Variants in DNAJC2 observed in about 807,000 individuals in gnomAD.
DNAJC2 encodes the protein DnaJ heat shock protein family (Hsp40) member C2.
DNAJC2 carries 32 observed loss-of-function variants against 94.0 expected under a neutral mutation model. The ratio of observed to expected loss-of-function variants is 0.34; its 90% CI spans 0.26 to 0.46. The LOEUF is 0.46. Ranked by LOEUF, DNAJC2 falls within the 20% of genes least tolerant of loss-of-function variation. The pLI is 1.00. For synonymous variants in DNAJC2, 210 were observed against 229.7 expected, an observed-to-expected ratio of 0.91 and a Z score of 0.77; for missense variants, 550 against 719.5, an observed-to-expected ratio of 0.76 and a Z score of 2.69.
intron 1 of DNAJC2, among the ~76,000 whole-genome samples, chr7:103,344,074 CTT>C (rs1819498478): frequency 2.0e-5 from 3 of 152,184 alleles, no homozygotes; most frequent in Admixed American, 2.0e-4. Context: ...GCAGCACAGT[CTT>C]TGAACACCGA....
chr7:103,328,982 C>A, intron 3 of DNAJC2: 1 of 1,277,540 alleles, frequency 7.8e-7, no homozygotes, highest in Non-Finnish European at 1.0e-6. Context: ...AAGTTATTTT[C>A]CAAAAGGCAA....
At chr7:103,326,788 A>C in intron 4 of DNAJC2, 104 bp from the exon 5 acceptor site, 1 of 1,213,396 alleles carries the variant, frequency 8.2e-7, no homozygotes, top group Non-Finnish European at 1.1e-6. Context: ...ATTAATTTTC[A>C]TATTTGAAAA....
At chr7:103,334,943 C>T (rs959349849) in intron 3 of DNAJC2, among the ~76,000 whole-genome samples, 3 of 152,088 alleles carry the variant, frequency 2.0e-5, no homozygotes, top group African/African-American at 2.4e-5. Flanking sequence ...AAGCGGTTCT[C>T]GTGCCGCAGC....
intron 15 of DNAJC2, chr7:103,314,715 A>G (rs1817951135): frequency 2.2e-6 from 2 of 908,510 alleles, no homozygotes; most frequent in African/African-American, 1.8e-5. Context: ...GATTTTTGCA[A>G]TGATTTTCCT....
At chr7:103,321,739 C>T (rs1477924237) in intron 10 of DNAJC2, among the ~76,000 whole-genome samples, 193 bp downstream of exon 10, 1 of 152,164 alleles carries the variant, frequency 6.6e-6, no homozygotes, top group African/African-American at 2.4e-5. Context: ...ATCCCAGCTA[C>T]TCGGGAGGCT....
intron 15 of DNAJC2, chr7:103,313,897 T>C: frequency 1.0e-6 from 1 of 985,430 alleles, no homozygotes; most frequent in Non-Finnish European, 1.2e-6. Context: ...AATTTAGTTA[T>C]TTCAGACTAT....
At chr7:103,328,584 T>G (rs1195641904) in intron 3 of DNAJC2, among the ~76,000 whole-genome samples, 3 of 152,108 alleles carry the variant, frequency 2.0e-5, no homozygotes, top group African/African-American at 7.2e-5. Context: ...TGAGCTGAGA[T>G]GGCGCCACTG....
intron 5 of DNAJC2, among the ~76,000 whole-genome samples, chr7:103,325,432 G>A (rs1445926445): frequency 1.4e-5 from 2 of 143,956 alleles, no homozygotes; most frequent in African/African-American, 5.0e-5. Flanking sequence ...GCAAGATACT[G>A]TCTCAAAATA....
intron 3 of DNAJC2, chr7:103,337,368 TA>T (rs36103366): frequency 4.1e-4 from 64 of 157,096 alleles, no homozygotes; most frequent in Non-Finnish European, 5.8e-4. Context: ...CAAAATAACG[TA>T]AAAAAAAAAC....
rs144333588 is a variant in DNAJC2 at position 103,329,902 on chromosome 7, A to G, written c.332-2148T>C. ...TAATATATTTATTTCCTTCTTTCCA[A>G]TAGTTGTCTCTTATTTAATAACTTA... On this transcript the variant is annotated intron_variant, in intron 3 of 16. Transcript: ENST00000379263. Among the ~76,000 whole-genome samples the G allele has an allele frequency of 3.8e-3, 579 of 152,214 alleles. 4 individuals carry two copies. The highest frequency in any genetic ancestry group is 0.014 in the African/African-American group (564 of 41,528).
rs143667678 is a variant in DNAJC2, at chr7:103,319,966, G to A, written c.1084-122C>T. 38 of 956,436 alleles carry A rather than the reference G, an allele frequency of 4.0e-5. 1 individual carries two copies. The Middle Eastern group carries it at 9.3e-4, about 23-fold the overall frequency. The allele number at this position is 956,436 out of a possible 1,614,324, so 59.2% of individuals were successfully genotyped here. Reference sequence around the variant, plus strand: ...AGGAGAATCGCTTGAACCTGGAGGCGGAAATTGCAGCAAACTGAGATCACG... The same window carrying A: ...AGGAGAATCGCTTGAACCTGGAGGCAGAAATTGCAGCAAACTGAGATCACG... On this transcript the variant is annotated intron_variant, in intron 10 of 16. Transcript: ENST00000379263.
intron 4 of DNAJC2, among the ~76,000 whole-genome samples, chr7:103,327,159 G>C (rs1326790517): frequency 6.6e-6 from 1 of 152,084 alleles, no homozygotes; most frequent in African/African-American, 2.4e-5. Context: ...AATTTGCTTA[G>C]TGATGTGTAT....
At chr7:103,316,782 C>G (rs760028535) in intron 13 of DNAJC2, 48 bp downstream of exon 13, 2 of 1,475,764 alleles carry the variant, frequency 1.4e-6, no homozygotes, top group African/African-American at 2.8e-5. Context: ...TCTACATTAT[C>G]TCCAGGCTCC....
intron 16 of DNAJC2, 138 bp downstream of exon 16, chr7:103,312,809 C>T: frequency 1.3e-6 from 2 of 1,513,490 alleles, no homozygotes; most frequent in Admixed American, 4.7e-5. Flanking sequence ...TCATTTCTTC[C>T]TCATAATATT....
At chr7:103,321,814 C>G in intron 10 of DNAJC2, 118 bp downstream of exon 10, 1 of 1,219,354 alleles carries the variant, frequency 8.2e-7, no homozygotes, top group South Asian at 1.7e-5. Context: ...CGCCACTGCA[C>G]TCCAGCCTGG....
intron 4 of DNAJC2, chr7:103,327,329 T>C: frequency 7.8e-7 from 1 of 1,283,286 alleles, no homozygotes; most frequent in Non-Finnish European, 1.0e-6. Context: ...ATAGAACACT[T>C]ACATGAATTA....
chr7:103,337,900 C>A, intron 2 of DNAJC2, 89 bp from the exon 3 acceptor site: 1 of 919,834 alleles, frequency 1.1e-6, no homozygotes. Flanking sequence ...AAGCATTTCC[C>A]AAAGTGACAT....
In DNAJC2 at chr7:103,312,490, C is replaced by A. The variant is rs1269382307; in HGVS notation, c.*79G>T. 8 of 1,566,858 alleles carry A rather than the reference C, an allele frequency of 5.1e-6. No individual in the cohort carries two copies. Among genetic ancestry groups the A allele is most frequent in the Non-Finnish European group, 6.9e-6 (8 of 1,160,458 alleles). Reference sequence around the variant, plus strand: ...GAAGCAGCATACTTTCAAATTATTACCATGAGTATAATTTTAAGAATGAAA... The same window carrying A: ...GAAGCAGCATACTTTCAAATTATTAACATGAGTATAATTTTAAGAATGAAA... On this transcript the variant is annotated 3_prime_UTR_variant, in exon 17 of 17. Coordinates refer to ENST00000379263, the MANE Select transcript of DNAJC2 (RefSeq NM_014377.3).
chr7:103,331,921 A>G (rs1012942711), intron 3 of DNAJC2, among the ~76,000 whole-genome samples: 4 of 152,150 alleles, frequency 2.6e-5, no homozygotes, highest in African/African-American at 7.2e-5. Flanking sequence ...ATTTTTTGAG[A>G]AATCTCCATA....
Sources: gnomAD v4.1 joint callset for allele counts (sites outside exome capture counted in the v4.1 genomes callset) on GRCh38, gnomAD v4.1.1 for gene constraint, MANE v1.5 for transcripts, NCBI Gene and HGNC (gene_info 2026-07-23, HGNC 2026-07-21) for gene names.